Variants in GPHN observed in about 807,000 individuals in gnomAD.
GPHN encodes gephyrin.
A neutral mutation model predicts 95.5 loss-of-function variants in GPHN; 17 were observed. That is an observed-to-expected ratio of 0.18 (90% CI 0.12 to 0.27). The LOEUF (loss-of-function observed/expected upper bound fraction) is 0.27. GPHN is among the 10% of genes least tolerant of loss of function. GPHN has a pLI of 1.00. For missense variants in GPHN, 660 were observed against 978.1 expected, an observed-to-expected ratio of 0.67 and a Z score of 4.34; for synonymous variants, 320 against 322.5, an observed-to-expected ratio of 0.99 and a Z score of 0.08.
chr14:67,496,649 TTC>T, the GPHN span, among the ~76,000 whole-genome samples: 13 of 150,366 alleles, frequency 8.6e-5, no homozygotes, highest in Admixed American at 2.0e-4. Context: ...TTTTCTTTCT[TTC>T]TCTCTCTCTC....
chr14:67,141,234 A>C (rs2080438321), intron 17 of GPHN, among the ~76,000 whole-genome samples: 3 of 152,184 alleles, frequency 2.0e-5, no homozygotes, highest in African/African-American at 7.2e-5. Context: ...AGACCCTGTA[A>C]GAGAACCTCA....
intron 1 of GPHN, among the ~76,000 whole-genome samples, chr14:66,609,868 G>C (rs1014170796): frequency 5.3e-5 from 8 of 152,014 alleles, no homozygotes; most frequent in South Asian, 2.1e-4. Flanking sequence ...CCTTGAATTG[G>C]TTTCACCTTT....
chr14:67,274,436 G>A, the GPHN span, among the ~76,000 whole-genome samples: 2 of 152,094 alleles, frequency 1.3e-5, no homozygotes, highest in Non-Finnish European at 2.9e-5. Context: ...GATTGTAGAT[G>A]TGTGGTACTA....
chr14:67,075,086 A>G (rs2076445785), intron 11 of GPHN, among the ~76,000 whole-genome samples: 2 of 152,198 alleles, frequency 1.3e-5, no homozygotes, highest in Admixed American at 1.3e-4. Flanking sequence ...AGGAAAAATT[A>G]ATTCCTGTCT....
the GPHN span, chr14:67,674,460 A>G: frequency 9.9e-6 from 16 of 1,608,582 alleles, no homozygotes; most frequent in Non-Finnish European, 1.2e-5. Context: ...GCTTCTCGAA[A>G]TGCTCCGAGG....
the GPHN span, among the ~76,000 whole-genome samples, chr14:67,713,747 T>C: frequency 6.6e-6 from 1 of 152,204 alleles, no homozygotes; most frequent in African/African-American, 2.4e-5. Flanking sequence ...GTGTCCAGGA[T>C]GGTCAGAGCA....
At chr14:67,368,453 CAGAAAATA>C in the GPHN span, among the ~76,000 whole-genome samples, 2 of 151,958 alleles carry the variant, frequency 1.3e-5, no homozygotes, top group East Asian at 3.8e-4. Context: ...CTCAAGAATA[CAGAAAATA>C]AGAAAATATT....
At chr14:66,580,558 G>T (rs949917200) in intron 1 of GPHN, among the ~76,000 whole-genome samples, 1 of 151,692 alleles carries the variant, frequency 6.6e-6, no homozygotes, top group African/African-American at 2.4e-5. Flanking sequence ...ACAACTATGA[G>T]CAATCATATG....
chr14:67,599,335 G>A, the GPHN span, among the ~76,000 whole-genome samples: 42 of 152,160 alleles, frequency 2.8e-4, no homozygotes, highest in African/African-American at 8.9e-4. Context: ...TCATGAAGCT[G>A]GTATGGCAGG....
Position 67,089,115 on chromosome 14 carries a change from A to ATT in GPHN, c.1237+48_1237+49dup, listed in dbSNP as rs371624615. 4.8e-4 allele frequency: 176 copies of ATT among 363,106 alleles called. 2 individuals are homozygous for ATT. The highest frequency in any genetic ancestry group is 6.4e-4 in the Non-Finnish European group (119 of 186,922). The allele number at this position is 363,106 out of a possible 1,614,324, so 22.5% of individuals were successfully genotyped here. A position where few individuals can be genotyped will look rare whatever the true frequency, so the allele number is the denominator to read the frequency against. On this transcript the variant is annotated intron_variant, in intron 12 of 22. Transcript: ENST00000478722. ...TTTCTTAAACATAATCAGGCACTGTATTTTTTTTTCTTTTTTTCTTTTTTT... is the reference window on the plus strand; with the variant it reads ...TTTCTTAAACATAATCAGGCACTGTATTTTTTTTTTTCTTTTTTTCTTTTTTT...
intron 1 of GPHN, among the ~76,000 whole-genome samples, chr14:66,520,861 C>G (rs1164122146): frequency 6.6e-6 from 1 of 151,960 alleles, no homozygotes; most frequent in Non-Finnish European, 1.5e-5. Context: ...CTCTTCCCAC[C>G]CCCTACCCTC....
At chr14:67,537,581 C>T in the GPHN span, among the ~76,000 whole-genome samples, 1 of 151,812 alleles carries the variant, frequency 6.6e-6, no homozygotes, top group Admixed American at 6.6e-5. Flanking sequence ...GGGAGGGTCA[C>T]CTGAGCTTGG....
intron 5 of GPHN, among the ~76,000 whole-genome samples, chr14:66,915,765 A>G (rs1363389691): frequency 6.6e-6 from 1 of 152,182 alleles, no homozygotes; most frequent in Non-Finnish European, 1.5e-5. Flanking sequence ...AAAAGTAGGT[A>G]AATTATTCTG....
intron 3 of GPHN, among the ~76,000 whole-genome samples, chr14:66,780,407 A>G (rs1885197): frequency 0.015 from 2,341 of 152,248 alleles, 31 homozygotes; most frequent in Non-Finnish European, 0.018. Context: ...TGAAGATGTA[A>G]CCTTAAGGAA....
chr14:66,989,398 G>A (rs570427191), intron 9 of GPHN, among the ~76,000 whole-genome samples: 1 of 151,974 alleles, frequency 6.6e-6, no homozygotes, highest in Non-Finnish European at 1.5e-5. Context: ...ATGAAACTGA[G>A]ACCAAAAAGT....
At chr14:67,315,003 G>T in the GPHN span, among the ~76,000 whole-genome samples, 1 of 152,262 alleles carries the variant, frequency 6.6e-6, no homozygotes, top group South Asian at 2.1e-4. Context: ...AGCTATTCAG[G>T]AGGCTGAGGT....
intron 1 of GPHN, among the ~76,000 whole-genome samples, chr14:66,514,513 A>T (rs2058164782): frequency 6.6e-6 from 1 of 152,032 alleles, no homozygotes; most frequent in African/African-American, 2.4e-5. Context: ...ATGGCAGTAT[A>T]TGTTTCTATC....
At chr14:67,054,290 A>T (rs2075446797) in intron 10 of GPHN, among the ~76,000 whole-genome samples, 1 of 152,236 alleles carries the variant, frequency 6.6e-6, no homozygotes, top group African/African-American at 2.4e-5. Context: ...AATCACAAGC[A>T]TTCCTATACA....
chr14:67,156,127 G>GA (rs1309135721), intron 18 of GPHN, among the ~76,000 whole-genome samples: 6 of 152,196 alleles, frequency 3.9e-5, no homozygotes, highest in African/African-American at 1.4e-4. Flanking sequence ...TGGAAATGCA[G>GA]AAAGGACTAA....
Sources: allele counts gnomAD v4.1 joint callset (sites outside exome capture counted in the v4.1 genomes callset), GRCh38; gene constraint gnomAD v4.1.1; transcripts MANE v1.5; gene names NCBI Gene and HGNC (gene_info 2026-07-23, HGNC 2026-07-21).